CNTN4: variants seen among roughly 807,000 people sequenced by gnomAD.
CNTN4 encodes the protein contactin 4.
In CNTN4, 77 loss-of-function variants were observed where a neutral mutation model predicts 122.5. That is an observed-to-expected ratio of 0.63 (90% CI 0.52 to 0.76). The LOEUF (loss-of-function observed/expected upper bound fraction) is 0.76, where lower values mean the gene tolerates loss of function less well. CNTN4 is among the 30% of genes least tolerant of loss of function. The probability of loss-of-function intolerance (pLI) is 0.00; values close to 1 mark genes in which losing one functional copy is unlikely to be tolerated. For missense variants in CNTN4, 1,256 were observed against 1,259.1 expected, an observed-to-expected ratio of 1.00 and a Z score of 0.04; for synonymous variants, 512 against 447.0, an observed-to-expected ratio of 1.15 and a Z score of -1.83.
chr3:2,115,272 G>A (rs545463892), intron 2 of CNTN4, among the ~76,000 whole-genome samples: 1 of 152,342 alleles, frequency 6.6e-6, no homozygotes, highest in African/African-American at 2.4e-5. Flanking sequence ...TGGCCCCACT[G>A]AACATGGTGT....
chr3:2,610,241 TTATTA>T (rs1389600279), intron 4 of CNTN4, among the ~76,000 whole-genome samples: 2 of 152,204 alleles, frequency 1.3e-5, no homozygotes, highest in Non-Finnish European at 2.9e-5. Flanking sequence ...ATTCTTGAAA[TTATTA>T]TAATCTCCTC....
intron 4 of CNTN4, among the ~76,000 whole-genome samples, chr3:2,686,777 T>C (rs182761048): frequency 1.3e-5 from 2 of 152,310 alleles, no homozygotes; most frequent in Admixed American, 6.5e-5. Context: ...TTGACCATGC[T>C]ATCCTCTGCT....
chr3:2,690,440 G>T (rs761581172), intron 4 of CNTN4, among the ~76,000 whole-genome samples: 1 of 152,104 alleles, frequency 6.6e-6, no homozygotes, highest in Non-Finnish European at 1.5e-5. Context: ...CCTTAGGTAG[G>T]TTATTTAACT....
chr3:2,309,287 G>A (rs1445185360), intron 2 of CNTN4, among the ~76,000 whole-genome samples: 1 of 151,776 alleles, frequency 6.6e-6, no homozygotes, highest in Admixed American at 6.6e-5. Context: ...CTCTTTTTTT[G>A]GTTACTGTTT....
chr3:2,623,372 T>A (rs1418909083), intron 4 of CNTN4, among the ~76,000 whole-genome samples: 1 of 152,102 alleles, frequency 6.6e-6, no homozygotes, highest in Non-Finnish European at 1.5e-5. Flanking sequence ...GTTTTATGGA[T>A]CACCGCACAG....
At chr3:2,177,756 C>A (rs952217474) in intron 2 of CNTN4, among the ~76,000 whole-genome samples, 4 of 151,668 alleles carry the variant, frequency 2.6e-5, no homozygotes, top group Non-Finnish European at 4.4e-5. Flanking sequence ...AGATCACCCA[C>A]ATTAAGGAGA....
At chr3:2,464,255 G>A (rs769241548) in intron 3 of CNTN4, among the ~76,000 whole-genome samples, 7 of 152,222 alleles carry the variant, frequency 4.6e-5, no homozygotes, top group South Asian at 4.1e-4. Context: ...TGAACATTCC[G>A]TATTCTTTTT....
chr3:2,443,559 T>G (rs1003864395), intron 3 of CNTN4, among the ~76,000 whole-genome samples: 1 of 152,180 alleles, frequency 6.6e-6, no homozygotes, highest in Non-Finnish European at 1.5e-5. Context: ...TAGCAAAGAA[T>G]ACAAATCATC....
chr3:2,231,384 A>G (rs928850598), intron 2 of CNTN4, among the ~76,000 whole-genome samples: 2 of 152,152 alleles, frequency 1.3e-5, no homozygotes, highest in Admixed American at 1.3e-4. Context: ...TAACTCCCCC[A>G]CATTTTGTCA....
intron 7 of CNTN4, among the ~76,000 whole-genome samples, chr3:2,849,141 G>T (rs1225771119): frequency 6.6e-6 from 1 of 152,176 alleles, no homozygotes; most frequent in Non-Finnish European, 1.5e-5. Flanking sequence ...GGAAACATGA[G>T]CAGGATTCAA....
chr3:2,185,287 G>A lies in CNTN4; in HGVS notation c.-145+84648G>A, dbSNP rs565999225. 5.9e-4 allele frequency among the ~76,000 whole-genome samples: 90 copies of A among 152,190 alleles called. 1 individual carries two copies. Among genetic ancestry groups the A allele is most frequent in the African/African-American group, 2.0e-3 (81 of 41,530 alleles). On this transcript the variant is annotated intron_variant, in intron 2 of 24. Transcript: ENST00000418658. ...GAAATGGGGACACATTGCTCACCAC[G>A]GTCTCTCTCTTCCTCTGACCTTTGC...
intron 2 of CNTN4, among the ~76,000 whole-genome samples, chr3:2,291,761 T>C (rs1217855104): frequency 2.0e-5 from 3 of 152,110 alleles, no homozygotes; most frequent in African/African-American, 7.2e-5. Context: ...TGAGATAGAG[T>C]CTCGCTCTGT....
At chr3:2,748,499 A>G (rs1213178436) in intron 6 of CNTN4, among the ~76,000 whole-genome samples, 1 of 152,180 alleles carries the variant, frequency 6.6e-6, no homozygotes, top group Non-Finnish European at 1.5e-5. Flanking sequence ...CATTCAAATA[A>G]TTGATATAAC....
chr3:2,214,541 A>G (rs1301433660), intron 2 of CNTN4, among the ~76,000 whole-genome samples: 1 of 152,182 alleles, frequency 6.6e-6, no homozygotes, highest in Non-Finnish European at 1.5e-5. Context: ...ACAGTTTCTC[A>G]GATTGAAGGA....
chr3:3,018,498 G>A (rs1697974742), intron 14 of CNTN4, among the ~76,000 whole-genome samples: 2 of 152,158 alleles, frequency 1.3e-5, no homozygotes, highest in African/African-American at 4.8e-5. Context: ...TGAGGATGCA[G>A]AATGGTGAGG....
chr3:2,755,382 T>G (rs968911), intron 6 of CNTN4, among the ~76,000 whole-genome samples: 89,311 of 152,004 alleles, frequency 0.59, 28,687 homozygotes, highest in Non-Finnish European at 0.71. Context: ...TTAGAAACAT[T>G]TGGGTATCAA....
intron 2 of CNTN4, among the ~76,000 whole-genome samples, chr3:2,327,584 A>G (rs1197811319): frequency 1.3e-5 from 2 of 152,200 alleles, no homozygotes; most frequent in African/African-American, 4.8e-5. Context: ...AAAATGTGTC[A>G]TGGTATACTT....
intron 6 of CNTN4, among the ~76,000 whole-genome samples, chr3:2,788,967 CTG>C (rs1166893017): frequency 6.6e-6 from 1 of 152,146 alleles, no homozygotes; most frequent in Non-Finnish European, 1.5e-5. Flanking sequence ...CTGATTCTAT[CTG>C]TCTTTTTTTT....
chr3:2,138,435 C>A (rs1053809309), intron 2 of CNTN4, among the ~76,000 whole-genome samples: 3 of 152,072 alleles, frequency 2.0e-5, no homozygotes, highest in African/African-American at 7.2e-5. Flanking sequence ...TGGCAGCTGA[C>A]ATGGCTAATT....
Sources: gnomAD v4.1 joint callset for allele counts (sites outside exome capture counted in the v4.1 genomes callset) on GRCh38, gnomAD v4.1.1 for gene constraint, MANE v1.5 for transcripts, NCBI Gene and HGNC (gene_info 2026-07-23, HGNC 2026-07-21) for gene names.